SDK1: variants seen among roughly 807,000 people sequenced by gnomAD.
The protein encoded by SDK1 is sidekick cell adhesion molecule 1.
SDK1 carries 157 observed loss-of-function variants against 245.5 expected under a neutral mutation model. The ratio of observed to expected loss-of-function variants is 0.64; its 90% CI spans 0.56 to 0.73. SDK1 has a LOEUF of 0.73. Among genes scored for constraint, SDK1 ranks in the 30% least tolerant of loss-of-function variants. The pLI is 0.00. For synonymous variants in SDK1, 1,647 were observed against 1,278.5 expected (o/e 1.29, Z -6.15); for missense variants, 3,583 against 3,002.3 (o/e 1.19, Z -4.52).
chr7:3,471,545 C>T (rs1275515791), intron 1 of SDK1, among the ~76,000 whole-genome samples: 1 of 152,084 alleles, frequency 6.6e-6, no homozygotes, highest in Non-Finnish European at 1.5e-5. Flanking sequence ...CCGTCAGTTT[C>T]GATTCTTCAC....
chr7:3,772,595 A>C (rs1263568736), intron 4 of SDK1, among the ~76,000 whole-genome samples: 1 of 152,212 alleles, frequency 6.6e-6, no homozygotes, highest in East Asian at 1.9e-4. Context: ...ATATAGAAAA[A>C]AGTGGAGTTA....
chr7:3,310,768 G>A (rs1040855612), intron 1 of SDK1, among the ~76,000 whole-genome samples: 5 of 152,208 alleles, frequency 3.3e-5, no homozygotes, highest in Admixed American at 6.5e-5. Context: ...ATAGCATACT[G>A]TTTAAGAGGA....
chr7:3,453,689 C>T (rs1780588322), intron 1 of SDK1, among the ~76,000 whole-genome samples: 1 of 152,194 alleles, frequency 6.6e-6, no homozygotes. Flanking sequence ...AAACCATCCT[C>T]TTGCCACAGT....
At chr7:3,535,280 TAAAGAA>T (rs1466104052) in intron 1 of SDK1, among the ~76,000 whole-genome samples, 1 of 152,052 alleles carries the variant, frequency 6.6e-6, no homozygotes, top group African/African-American at 2.4e-5. Flanking sequence ...AAATAATAAA[TAAAGAA>T]AAAGAAAACT....
chr7:3,360,777 C>T (rs565201400), intron 1 of SDK1, among the ~76,000 whole-genome samples: 1 of 152,212 alleles, frequency 6.6e-6, no homozygotes, highest in South Asian at 2.1e-4. Context: ...AGTCCCCCCT[C>T]CCCACAGAGG....
At chr7:4,180,318 G>A (rs150319663) in intron 35 of SDK1, among the ~76,000 whole-genome samples, 4,847 of 149,768 alleles carry the variant, frequency 0.032, 56 homozygotes, top group Non-Finnish European at 0.05. Context: ...CCAGCTCTAT[G>A]CCCAGTGCCC....
At chr7:3,717,855 G>A (rs1032764508) in intron 4 of SDK1, among the ~76,000 whole-genome samples, 1 of 151,548 alleles carries the variant, frequency 6.6e-6, no homozygotes, top group Non-Finnish European at 1.5e-5. Flanking sequence ...ATTTAAATCA[G>A]TTTTACAGGG....
At chr7:3,960,858 ACT>A (rs1407832539) in intron 8 of SDK1, among the ~76,000 whole-genome samples, 1 of 152,108 alleles carries the variant, frequency 6.6e-6, no homozygotes, top group East Asian at 1.9e-4. Flanking sequence ...AAGGCCAACA[ACT>A]CTGTGAATGT....
intron 4 of SDK1, among the ~76,000 whole-genome samples, chr7:3,724,576 C>T (rs1235063517): frequency 2.0e-5 from 3 of 152,046 alleles, no homozygotes; most frequent in Non-Finnish European, 4.4e-5. Context: ...TGTACTAGGT[C>T]GACTATTAAC....
At chr7:3,568,178 A>G (rs1327789476) in intron 1 of SDK1, among the ~76,000 whole-genome samples, 1 of 152,216 alleles carries the variant, frequency 6.6e-6, no homozygotes, top group African/African-American at 2.4e-5. Context: ...CAGTGTCATT[A>G]TTGATAATGG....
At chr7:4,176,223 C>T (rs1782202284) in intron 34 of SDK1, among the ~76,000 whole-genome samples, 1 of 150,956 alleles carries the variant, frequency 6.6e-6, no homozygotes, top group South Asian at 2.1e-4. Context: ...AGTGCAGTGG[C>T]ACGATCACAG....
chr7:3,450,308 G>C (rs1670726575), intron 1 of SDK1, among the ~76,000 whole-genome samples: 1 of 152,306 alleles, frequency 6.6e-6, no homozygotes, highest in African/African-American at 2.4e-5. Flanking sequence ...TAGGGGAGTG[G>C]TCTCTTCACT....
In SDK1 at chr7:3,490,042, T is replaced by C. The variant is rs544689950; in HGVS notation, c.299-129038T>C. Among the ~76,000 whole-genome samples the C allele has an allele frequency of 2.6e-5, 4 of 152,308 alleles. No homozygotes were observed. The South Asian group carries it at 6.2e-4, about 24-fold the overall frequency. Reference sequence around the variant, plus strand: ...TTTTTGTTGAGAGAATACACAGAAATGATCTACTGTCACTTGCTTTCAAGC... The same window carrying C: ...TTTTTGTTGAGAGAATACACAGAAACGATCTACTGTCACTTGCTTTCAAGC... On this transcript the variant is annotated intron_variant, in intron 1 of 44. Coordinates refer to ENST00000404826, the MANE Select transcript of SDK1 (RefSeq NM_152744.4).
chr7:3,683,380 A>G (rs980786716), intron 4 of SDK1, among the ~76,000 whole-genome samples: 1 of 152,108 alleles, frequency 6.6e-6, no homozygotes, highest in African/African-American at 2.4e-5. Flanking sequence ...GGTTTAGACA[A>G]TAGGAAGCAG....
chr7:3,378,852 G>T (rs558603570), intron 1 of SDK1, among the ~76,000 whole-genome samples: 1 of 152,160 alleles, frequency 6.6e-6, no homozygotes, highest in South Asian at 2.1e-4. Flanking sequence ...CACGGAGTTG[G>T]TCACTTTGTC....
chr7:3,502,655 A>G (rs1158710760), intron 1 of SDK1, among the ~76,000 whole-genome samples: 1 of 152,224 alleles, frequency 6.6e-6, no homozygotes, highest in South Asian at 2.1e-4. Context: ...GTGTAAGTAT[A>G]CACTTATATT....
intron 20 of SDK1, among the ~76,000 whole-genome samples, chr7:4,072,464 C>G (rs554212765): frequency 6.6e-6 from 1 of 152,312 alleles, no homozygotes; most frequent in Non-Finnish European, 1.5e-5. Flanking sequence ...CCTTACCAGC[C>G]CAGCATCACC....
chr7:4,111,551 G>C (rs927862739), intron 23 of SDK1, among the ~76,000 whole-genome samples: 1 of 151,950 alleles, frequency 6.6e-6, no homozygotes, highest in Admixed American at 6.6e-5. Context: ...AATGAGAGAT[G>C]CTATTTAGCT....
In SDK1 at chr7:4,180,231, C is replaced by T. The variant is rs1398500040; in HGVS notation, c.5098+1645C>T. 2.0e-5 allele frequency among the ~76,000 whole-genome samples: 3 copies of T among 150,390 alleles called. No individual in the cohort carries two copies. The East Asian group carries it at 5.9e-4, about 29-fold the overall frequency. The stretch of plus-strand genomic sequence containing the variant: ...CTCCAGCTCTATGCCCAGCGCCCAG[C>T]TCCAGCTCTATGCCCAGTGCCCGGC... On this transcript the variant is annotated intron_variant, in intron 35 of 44. Transcript: ENST00000404826.
Sources: gnomAD v4.1 joint callset for allele counts (sites outside exome capture counted in the v4.1 genomes callset) on GRCh38, gnomAD v4.1.1 for gene constraint, MANE v1.5 for transcripts, NCBI Gene and HGNC (gene_info 2026-07-23, HGNC 2026-07-21) for gene names.